AGBL4: variants seen among roughly 807,000 people sequenced by gnomAD.
The protein encoded by AGBL4 is AGBL carboxypeptidase 4.
In AGBL4, 58 loss-of-function variants were observed where a neutral mutation model predicts 66.4. The observed-to-expected ratio is 0.87, with a 90% CI of 0.71 to 1.09. The LOEUF (loss-of-function observed/expected upper bound fraction) is 1.09. Ranked by LOEUF, AGBL4 falls within the 50% of genes least tolerant of loss-of-function variation. The probability of loss-of-function intolerance (pLI) is 0.00; values close to 1 mark genes in which losing one functional copy is unlikely to be tolerated. For synonymous variants in AGBL4, 234 were observed against 222.9 expected, an observed-to-expected ratio of 1.05 and a Z score of -0.44; for missense variants, 579 against 631.0, an observed-to-expected ratio of 0.92 and a Z score of 0.88.
At position 49,733,502 on chromosome 1, in the gene AGBL4, C is replaced by T. The variant is rs74805249; in HGVS notation, c.158-36065G>A. ...ATCACAGGCTGGGTGGCTTGAACAA[C>T]GAACATTATTTCTGTACTTCTGGAG... is the stretch of plus-strand genomic sequence containing the variant. On this transcript the variant is annotated intron_variant, in intron 2 of 13. Transcript: ENST00000371839. 6.7e-4 allele frequency among the ~76,000 whole-genome samples: 102 copies of T among 152,170 alleles called. 3 individuals carry two copies. In the East Asian group the frequency reaches 0.018, roughly 26 times the overall value.
intron 6 of AGBL4, among the ~76,000 whole-genome samples, chr1:48,790,287 T>C (rs1271718901): frequency 6.6e-6 from 1 of 152,160 alleles, no homozygotes; most frequent in Non-Finnish European, 1.5e-5. Flanking sequence ...AGAGAGTGCT[T>C]GTTGCCACTG....
At chr1:49,842,377 C>T in intron 2 of AGBL4, 1 of 604,930 alleles carries the variant, frequency 1.7e-6, no homozygotes, top group South Asian at 1.9e-5. Context: ...TTCCCCAAGG[C>T]ATGTACCCAG....
At chr1:48,616,946 G>A (rs1645329128) in intron 9 of AGBL4, among the ~76,000 whole-genome samples, 1 of 152,166 alleles carries the variant, frequency 6.6e-6, no homozygotes, top group Non-Finnish European at 1.5e-5. Flanking sequence ...CCACTAGAGT[G>A]AGTGTTGCTT....
chr1:48,871,343 G>A (rs1471554675), intron 5 of AGBL4, among the ~76,000 whole-genome samples: 3 of 146,028 alleles, frequency 2.1e-5, no homozygotes, highest in Non-Finnish European at 4.5e-5. Context: ...CTTCACATGT[G>A]TAGTAGTGGT....
At chr1:49,287,662 A>G (rs1570347262) in intron 3 of AGBL4, among the ~76,000 whole-genome samples, 1 of 152,290 alleles carries the variant, frequency 6.6e-6, no homozygotes, top group African/African-American at 2.4e-5. Flanking sequence ...AACCACAATG[A>G]GATACCATCT....
At chr1:49,735,302 T>TGG (rs1571434622) in intron 2 of AGBL4, among the ~76,000 whole-genome samples, 1 of 139,946 alleles carries the variant, frequency 7.1e-6, no homozygotes, top group Non-Finnish European at 1.5e-5. Context: ...TGTGGGTGTG[T>TGG]GTGTGTGTGT....
intron 5 of AGBL4, among the ~76,000 whole-genome samples, chr1:48,907,844 A>T (rs552518907): frequency 6.6e-6 from 1 of 152,272 alleles, no homozygotes; most frequent in South Asian, 2.1e-4. Context: ...GGAATCCTGG[A>T]AGAGAGCTCA....
intron 1 of AGBL4, among the ~76,000 whole-genome samples, chr1:49,965,721 A>G (rs1250138524): frequency 2.0e-5 from 3 of 152,176 alleles, no homozygotes; most frequent in African/African-American, 7.2e-5. Context: ...AAGACTGCAC[A>G]TTGCAAAGCA....
At chr1:49,068,564 C>T (rs1363971311) in intron 4 of AGBL4, among the ~76,000 whole-genome samples, 2 of 152,104 alleles carry the variant, frequency 1.3e-5, no homozygotes, top group Non-Finnish European at 2.9e-5. Flanking sequence ...ATGAACTCAT[C>T]GTTTTTTATG....
intron 4 of AGBL4, among the ~76,000 whole-genome samples, chr1:49,124,526 G>A (rs1327560265): frequency 6.6e-6 from 1 of 152,156 alleles, no homozygotes; most frequent in African/African-American, 2.4e-5. Flanking sequence ...GCTTTACAAG[G>A]GCAGCAGGCT....
intron 9 of AGBL4, among the ~76,000 whole-genome samples, chr1:48,595,437 G>A (rs1302023863): frequency 6.6e-6 from 1 of 152,222 alleles, no homozygotes; most frequent in Non-Finnish European, 1.5e-5. Context: ...GTAAAACCAG[G>A]TACTTTTCTG....
chr1:48,593,985 G>T (rs1428335125), intron 9 of AGBL4, among the ~76,000 whole-genome samples: 1 of 152,082 alleles, frequency 6.6e-6, no homozygotes, highest in African/African-American at 2.4e-5. Flanking sequence ...TCTTAGTACT[G>T]TATAATTATC....
intron 4 of AGBL4, among the ~76,000 whole-genome samples, chr1:49,171,906 ATCC>A (rs1216855797): frequency 6.6e-6 from 1 of 152,208 alleles, no homozygotes; most frequent in Non-Finnish European, 1.5e-5. Context: ...ATTGCATTTA[ATCC>A]TTATACCAAT....
chr1:48,543,151 C>A (rs1195758011), intron 11 of AGBL4, among the ~76,000 whole-genome samples: 3 of 152,098 alleles, frequency 2.0e-5, no homozygotes, highest in Admixed American at 6.6e-5. Context: ...GTCTCTCTTG[C>A]CTAATAAGTG....
intron 1 of AGBL4, among the ~76,000 whole-genome samples, chr1:49,984,600 T>C (rs1210744745): frequency 2.6e-5 from 4 of 152,168 alleles, no homozygotes; most frequent in Non-Finnish European, 4.4e-5. Context: ...GGTGCCTATC[T>C]TTGGTCTTTG....
At chr1:49,536,225 T>C (rs1221425200) in intron 3 of AGBL4, among the ~76,000 whole-genome samples, 2 of 151,944 alleles carry the variant, frequency 1.3e-5, no homozygotes, top group African/African-American at 2.4e-5. Context: ...TTTAGCAAAA[T>C]GGAAAGAGTT....
At chr1:49,789,545 TAAAC>T (rs1644541445) in intron 2 of AGBL4, among the ~76,000 whole-genome samples, 2 of 152,052 alleles carry the variant, frequency 1.3e-5, no homozygotes, top group African/African-American at 4.8e-5. Context: ...CAATAATAGA[TAAAC>T]AGAGAGCCAA....
intron 1 of AGBL4, among the ~76,000 whole-genome samples, chr1:49,888,694 A>T (rs1382284191): frequency 6.6e-6 from 1 of 152,220 alleles, no homozygotes; most frequent in Non-Finnish European, 1.5e-5. Flanking sequence ...TAGATGAAAA[A>T]ATAAATATCT....
chr1:49,842,250 A>G (rs552172487), intron 2 of AGBL4: 5 of 444,558 alleles, frequency 1.1e-5, no homozygotes, highest in South Asian at 7.7e-5. Context: ...GCCCTGTACT[A>G]TGATGTAATG....
Sources: gnomAD v4.1 joint callset for allele counts (sites outside exome capture counted in the v4.1 genomes callset) on GRCh38, gnomAD v4.1.1 for gene constraint, MANE v1.5 for transcripts, NCBI Gene and HGNC (gene_info 2026-07-23, HGNC 2026-07-21) for gene names.